The following TRAK1 variants were observed in gnomAD, a reference collection of about 807,000 sequenced individuals.
TRAK1 encodes the protein trafficking kinesin protein 1.
A neutral mutation model predicts 92.1 loss-of-function variants in TRAK1; 33 were observed. The ratio of observed to expected loss-of-function variants is 0.36; its 90% confidence interval spans 0.27 to 0.48. The LOEUF (loss-of-function observed/expected upper bound fraction) is 0.48. TRAK1 is among the 20% of genes least tolerant of loss of function. The pLI is 0.99. For missense variants in TRAK1, 1,123 were observed against 1,257.9 expected (o/e 0.89, Z 1.62); for synonymous variants, 521 against 517.3 (o/e 1.01, Z -0.10).
rs1334883416 is a variant in TRAK1 at position 42,030,236 on chromosome 3, C to CCAGCATGGGCAA, written c.-519+16122_-519+16133dup. Among the ~76,000 whole-genome samples the CCAGCATGGGCAA allele has an allele frequency of 2.0e-5, 3 of 151,900 alleles. No homozygotes were observed. The South Asian group carries it at 6.2e-4, about 32-fold the overall frequency. ...ATAGCTTGAGGCCAGAAGTTCCAGA[C>CCAGCATGGGCAA]CAGCATGGGCAACATTGGGAGGCTG... On this transcript the variant is annotated intron_variant, in intron 1 of 16. Coordinates refer to the TRAK1 transcript ENST00000487159.
intron 14 of TRAK1, chr3:42,217,206 T>G: frequency 1.0e-6 from 1 of 983,138 alleles, no homozygotes; most frequent in Non-Finnish European, 1.2e-6. Context: ...ATGATCCCAG[T>G]CTTGGGTGAC....
chr3:42,139,445 C>G (rs1444124533), intron 2 of TRAK1, among the ~76,000 whole-genome samples: 1 of 152,184 alleles, frequency 6.6e-6, no homozygotes, highest in Non-Finnish European at 1.5e-5. Flanking sequence ...GGGCCTGGGT[C>G]TCAGGTGCTG....
Position 42,196,112 on chromosome 3 carries a change from CTT to C in TRAK1, c.1113+1173_1113+1174del, listed in dbSNP as rs1350260255. On this transcript the variant is annotated intron_variant, in intron 10 of 15. Transcript: ENST00000327628. ...CAGTTTCTTTTTGAGGGATTCTCAG[CTT>C]TCATATTTGCTGAGGTAAAGTTTTT... is the stretch of plus-strand genomic sequence containing the variant. Among the ~76,000 whole-genome samples the C allele has an allele frequency of 7.9e-5, 12 of 152,216 alleles. No homozygotes were observed. In the South Asian group the frequency reaches 1.2e-3, roughly 16 times the overall value.
intron 2 of TRAK1, among the ~76,000 whole-genome samples, chr3:42,169,216 T>G (rs1374679522): frequency 1.3e-5 from 2 of 151,984 alleles, no homozygotes; most frequent in African/African-American, 2.4e-5. Flanking sequence ...AATGGAATCA[T>G]ACAATATGTG....
At chr3:42,034,166 T>C (rs1193397495) in intron 1 of TRAK1, among the ~76,000 whole-genome samples, 1 of 152,184 alleles carries the variant, frequency 6.6e-6, no homozygotes, top group Non-Finnish European at 1.5e-5. Flanking sequence ...TGAGCACCCA[T>C]TGTCCTTCCT....
chr3:42,027,899 G>C (rs1701980287), intron 1 of TRAK1, among the ~76,000 whole-genome samples: 1 of 152,132 alleles, frequency 6.6e-6, no homozygotes, highest in African/African-American at 2.4e-5. Context: ...GCCCAGGTTG[G>C]AGTGCAGTGG....
At chr3:42,100,163 C>T (rs1354095542) in intron 1 of TRAK1, among the ~76,000 whole-genome samples, 3 of 152,106 alleles carry the variant, frequency 2.0e-5, no homozygotes, top group Non-Finnish European at 4.4e-5. Context: ...AATTTGAAGC[C>T]AGCCACTATG....
intron 2 of TRAK1, among the ~76,000 whole-genome samples, chr3:42,158,681 C>T (rs187151221): frequency 1.2e-3 from 173 of 150,132 alleles, no homozygotes; most frequent in Admixed American, 1.9e-3. Flanking sequence ...TGGTGGTTCA[C>T]GCCTGTAATC....
rs188591022 is a variant in TRAK1, at chr3:42,222,836, T to A, written c.2067-106T>A. The A allele has an allele frequency of 2.6e-3, 3,170 of 1,207,606 alleles. 16 individuals carry two copies. The highest frequency in any genetic ancestry group is 8.3e-3 in the Admixed American group (405 of 48,944). 74.8% of individuals were successfully genotyped at this position (1,207,606 alleles called of 1,614,324 possible). A position where few individuals can be genotyped will look rare whatever the true frequency, so the allele number is the denominator to read the frequency against. On this transcript the variant is annotated intron_variant, in intron 15 of 15. Transcript: ENST00000327628. Reference sequence around the variant, plus strand: ...GGCCTCAGCTGGTGGAACCCTCTCATCGTGTCCTGGGTCGTCCCTACCCCC... The same window carrying A: ...GGCCTCAGCTGGTGGAACCCTCTCAACGTGTCCTGGGTCGTCCCTACCCCC...
chr3:42,177,207 A>G (rs548082644), intron 3 of TRAK1, among the ~76,000 whole-genome samples: 1 of 152,368 alleles, frequency 6.6e-6, no homozygotes, highest in African/African-American at 2.4e-5. Flanking sequence ...CATCCAAAAA[A>G]TGTCAGAAAA....
chr3:42,054,246 T>C (rs1176934166), intron 1 of TRAK1, among the ~76,000 whole-genome samples: 4 of 152,212 alleles, frequency 2.6e-5, no homozygotes, highest in African/African-American at 7.2e-5. Flanking sequence ...ATAAATACTT[T>C]TGAAGTGAGT....
intron 15 of TRAK1, among the ~76,000 whole-genome samples, chr3:42,221,584 A>G (rs1194930596): frequency 3.3e-5 from 5 of 152,080 alleles, no homozygotes; most frequent in African/African-American, 2.4e-5. Context: ...CTCAGAGTAC[A>G]TGGACTTCCT....
Position 42,029,873 on chromosome 3 carries a change from C to T in TRAK1, c.-519+15756C>T, listed in dbSNP as rs118173161. 7.9e-3 allele frequency among the ~76,000 whole-genome samples: 1,202 copies of T among 152,122 alleles called. 49 individuals are homozygous for T. The East Asian group carries it at 0.13, about 16-fold the overall frequency. On this transcript the variant is annotated intron_variant, in intron 1 of 16. Transcript: ENST00000487159. The stretch of plus-strand genomic sequence containing the variant: ...CCTGATTGATTTTTTAAATGAAACC[C>T]CAGCTTCTGTGTGGAGAGCCAGAAT...
rs753342106 is a variant in TRAK1, at chr3:42,191,646, C to T, written c.769+10C>T. 1.1e-5 allele frequency: 17 copies of T among 1,590,910 alleles called. No homozygotes were observed. The highest frequency in any genetic ancestry group is 3.5e-5 in the Admixed American group (2 of 56,866). ...TGCGTGAAGGAGCTGAGTATGTCCCCGCACTGCTGTCTTCTTACTTCCTTG... is the reference window on the plus strand; with the variant it reads ...TGCGTGAAGGAGCTGAGTATGTCCCTGCACTGCTGTCTTCTTACTTCCTTG... On this transcript the variant is annotated intron_variant, in intron 7 of 15. Transcript: ENST00000327628.
intron 1 of TRAK1, among the ~76,000 whole-genome samples, chr3:42,098,814 A>C (rs1706319272): frequency 1.3e-5 from 2 of 152,138 alleles, no homozygotes; most frequent in Admixed American, 1.3e-4. Flanking sequence ...AGGGAGAGCA[A>C]GATGGACAGG....
rs528818077 is a variant in TRAK1 at position 42,216,376 on chromosome 3, C to T, written c.1964-3118C>T. Among the ~76,000 whole-genome samples, 14 of 152,312 alleles carry T rather than the reference C, an allele frequency of 9.2e-5. No homozygotes were observed. The South Asian group carries it at 2.9e-3, about 32-fold the overall frequency. ...TTCAGTCAGTCCCAGGCATCATGGG[C>T]CCCCGAGGAGCATGGGCACTCAGTG... On this transcript the variant is annotated intron_variant, in intron 14 of 15. Transcript: ENST00000327628.
At position 42,189,090 on chromosome 3, in the gene TRAK1, A is replaced by G. The variant is rs1477960709; in HGVS notation, c.656A>G (p.Asp219Gly). 2 of 1,614,000 alleles carry G rather than the reference A, an allele frequency of 1.2e-6. No homozygotes were observed. The highest frequency in any genetic ancestry group is 2.7e-5 in the African/African-American group (2 of 74,940). ...HLDSLQKKLK[D>G]LEEENVVLRS... is the part of the protein sequence containing the mutation. ...GATTCTCTTCAAAAGAAGCTGAAAGACCTTGAAGAGGAGAATGTTGTACTT... is the reference window on the plus strand; with the variant it reads ...GATTCTCTTCAAAAGAAGCTGAAAGGCCTTGAAGAGGAGAATGTTGTACTT... The change falls in exon 6 of 16, where the codon GAC becomes GGC. Residue 219 changes from aspartate (D) to glycine (G), a missense_variant. By Grantham distance (94) the Asp-to-Gly change is moderately conservative. This residue lies in a region of TRAK1 where 686 missense variants were observed against 747.6 expected (regional missense o/e 0.92). Coordinates refer to ENST00000327628, the MANE Select transcript of TRAK1 (RefSeq NM_001042646.3).
chr3:42,049,222 A>G (rs1380001515), intron 1 of TRAK1, among the ~76,000 whole-genome samples: 1 of 152,166 alleles, frequency 6.6e-6, no homozygotes, highest in Non-Finnish European at 1.5e-5. Context: ...GTTGAAATGG[A>G]TATGGAATTC....
chr3:42,114,702 A>C (rs906323605), intron 1 of TRAK1, among the ~76,000 whole-genome samples: 19 of 152,068 alleles, frequency 1.2e-4, no homozygotes, highest in African/African-American at 4.6e-4. Flanking sequence ...GTAGCATGTA[A>C]CATACTTAAT....
Sources: allele counts gnomAD v4.1 joint callset (sites outside exome capture counted in the v4.1 genomes callset), GRCh38; gene constraint gnomAD v4.1.1; regional missense constraint gnomAD v4.1.1; transcripts MANE v1.5; gene names NCBI Gene and HGNC (gene_info 2026-07-23, HGNC 2026-07-21).